MEP1A: variants seen among roughly 807,000 people sequenced by gnomAD.
MEP1A encodes meprin A subunit alpha.
Under a neutral mutation model 84.5 loss-of-function variants are expected in MEP1A, and 68 were observed. That is an observed-to-expected ratio of 0.80 (90% CI 0.66 to 0.98). The LOEUF is 0.98. MEP1A is among the 50% of genes least tolerant of loss of function. MEP1A has a pLI of 0.00. For missense variants in MEP1A, 887 were observed against 919.9 expected, an observed-to-expected ratio of 0.96 and a Z score of 0.46; for synonymous variants, 337 against 336.8, an observed-to-expected ratio of 1.00 and a Z score of -0.01.
intron 5 of MEP1A, among the ~76,000 whole-genome samples, chr6:46,808,218 A>ACATATTAC (rs1164778857): frequency 6.6e-6 from 1 of 152,028 alleles, no homozygotes; most frequent in African/African-American, 2.4e-5. Flanking sequence ...GTAACTAAGT[A>ACATATTAC]AGAATAGGTA....
At chr6:46,825,680 T>C (rs907996594) in intron 8 of MEP1A, among the ~76,000 whole-genome samples, 187 bp downstream of exon 8, 2 of 151,896 alleles carry the variant, frequency 1.3e-5, no homozygotes, top group Non-Finnish European at 2.9e-5. Context: ...TATGGCTGTT[T>C]TTGCGCTTCA....
chr6:46,815,597 A>G (rs575273853), intron 6 of MEP1A, among the ~76,000 whole-genome samples: 1 of 152,230 alleles, frequency 6.6e-6, no homozygotes, highest in Non-Finnish European at 1.5e-5. Flanking sequence ...AGTTCCTTCA[A>G]AGGGTCTATG....
chr6:46,801,855 T>G (rs1446211231), intron 5 of MEP1A, among the ~76,000 whole-genome samples: 1 of 152,032 alleles, frequency 6.6e-6, no homozygotes, highest in Admixed American at 6.6e-5. Context: ...GCTATAAAAT[T>G]TTGCTTTCCT....
At chr6:46,815,998 A>G (rs954155910) in intron 6 of MEP1A, among the ~76,000 whole-genome samples, 1 of 152,046 alleles carries the variant, frequency 6.6e-6, no homozygotes, top group Non-Finnish European at 1.5e-5. Context: ...GTACAGTGGC[A>G]TGATCTCGGC....
downstream of MEP1A, among the ~76,000 whole-genome samples, chr6:46,840,036 A>G (rs1331871332): frequency 3.7e-5 from 5 of 133,544 alleles, no homozygotes; most frequent in East Asian, 1.0e-3. Context: ...AGAGCAAGTG[A>G]AAAAAAAAAA....
chr6:46,798,989 A>G, intron 4 of MEP1A, 117 bp from the exon 5 acceptor site: 1 of 699,782 alleles, frequency 1.4e-6, no homozygotes, highest in Admixed American at 2.4e-5. Context: ...ACAAATTGCC[A>G]CTAAACTGTT....
Position 46,829,518 on chromosome 6 carries a change from G to C in MEP1A, c.1091G>C (p.Arg364Thr). Residue 364 changes from arginine to threonine, a missense_variant, in exon 10 of 14, where the codon AGG becomes ACG. By Grantham distance (71) the Arg-to-Thr change is moderately conservative (BLOSUM62 -1). Transcript: ENST00000230588. ...PSDRLVVWVRRDDSTGNVRKL... is the reference protein window; with the variant it reads ...PSDRLVVWVRTDDSTGNVRKL... ...GACAGACTCGTTGTCTGGGTCAGGA[G>C]GGATGACAGCACAGGCAATGTTCGC... 6.2e-7 allele frequency: 1 copy of C among 1,614,180 alleles called. No individual in the cohort carries two copies.
At chr6:46,825,541 A>T (rs1767921923) in intron 8 of MEP1A, 48 bp downstream of exon 8, 1 of 1,266,750 alleles carries the variant, frequency 7.9e-7, no homozygotes, top group Admixed American at 2.0e-5. Context: ...CTCAGCAGAG[A>T]TTCCATCAGC....
At chr6:46,816,256 C>A (rs1457630505) in intron 6 of MEP1A, among the ~76,000 whole-genome samples, 1 of 152,096 alleles carries the variant, frequency 6.6e-6, no homozygotes, top group Non-Finnish European at 1.5e-5. Flanking sequence ...CGCGCCCGGC[C>A]TCATTCTTCT....
intron 5 of MEP1A, among the ~76,000 whole-genome samples, chr6:46,799,809 G>A (rs1471091299): frequency 2.0e-5 from 3 of 152,106 alleles, no homozygotes; most frequent in Admixed American, 6.5e-5. Context: ...GCCACATGTA[G>A]GCACTGGCTG....
At chr6:46,808,327 T>C (rs1467260959) in intron 5 of MEP1A, among the ~76,000 whole-genome samples, 1 of 152,074 alleles carries the variant, frequency 6.6e-6, no homozygotes, top group Non-Finnish European at 1.5e-5. Flanking sequence ...CCATGACTAT[T>C]TCTTTAATGA....
At chr6:46,836,218 C>T (rs1768215027) in intron 13 of MEP1A, among the ~76,000 whole-genome samples, 1 of 152,296 alleles carries the variant, frequency 6.6e-6, no homozygotes, top group African/African-American at 2.4e-5. Flanking sequence ...GGACTTGCAT[C>T]TAGGTCTGTC....
intron 7 of MEP1A, among the ~76,000 whole-genome samples, chr6:46,820,456 T>TCA (rs1767742694): frequency 6.6e-6 from 1 of 152,222 alleles, no homozygotes; most frequent in Non-Finnish European, 1.5e-5. Context: ...AATGGTGCGA[T>TCA]CTCAGCTCAC....
Position 46,835,233 on chromosome 6 carries a change from T to G in MEP1A, c.1784-16T>G, listed in dbSNP as rs1249456329. On this transcript the variant is annotated splice_polypyrimidine_tract_variant and intron_variant, in intron 12 of 13. Coordinates refer to ENST00000230588, the MANE Select transcript of MEP1A (RefSeq NM_005588.3). The stretch of plus-strand genomic sequence containing the variant: ...ACTAATCCTGGATCTTCCTCATGAC[T>G]CTCTATTTCCTGAAGATATCACCCA... 1 of 1,567,274 alleles carries G rather than the reference T, an allele frequency of 6.4e-7. No individual in the cohort carries two copies. The highest frequency in any genetic ancestry group is 8.6e-7 in the Non-Finnish European group (1 of 1,160,500).
At chr6:46,825,640 ACCTC>A in intron 8 of MEP1A, 147 bp downstream of exon 8, 2 of 616,908 alleles carry the variant, frequency 3.2e-6, no homozygotes, top group Non-Finnish European at 5.5e-6. Context: ...TTGTTGGTCT[ACCTC>A]TAGACCCATT....
At chr6:46,844,050 ATAAT>A (rs1279884603), downstream of MEP1A, among the ~76,000 whole-genome samples, 4 of 152,200 alleles carry the variant, frequency 2.6e-5, no homozygotes, top group Non-Finnish European at 4.4e-5. Flanking sequence ...AGTTTTATGG[ATAAT>A]TAGTCACCTA....
downstream of MEP1A, among the ~76,000 whole-genome samples, chr6:46,840,452 A>G (rs1384784420): frequency 2.0e-5 from 3 of 152,194 alleles, no homozygotes; most frequent in Non-Finnish European, 4.4e-5. Context: ...GCCAGAATCT[A>G]GTAGGTTTCC....
intron 6 of MEP1A, among the ~76,000 whole-genome samples, chr6:46,811,679 A>G (rs1325160967): frequency 6.6e-6 from 1 of 151,982 alleles, no homozygotes; most frequent in East Asian, 1.9e-4. Context: ...TTTTAATCAT[A>G]CAGGGATGGT....
intron 5 of MEP1A, among the ~76,000 whole-genome samples, chr6:46,807,791 GAAA>G (rs1562107025): frequency 7.4e-5 from 10 of 134,448 alleles, no homozygotes; most frequent in African/African-American, 2.7e-4. Flanking sequence ...AAGAAAGAAA[GAAA>G]GAAAGAAAGA....
Sources: allele counts gnomAD v4.1 joint callset (sites outside exome capture counted in the v4.1 genomes callset), GRCh38; gene constraint gnomAD v4.1.1; transcripts MANE v1.5; gene names NCBI Gene and HGNC (gene_info 2026-07-23, HGNC 2026-07-21).